Variants in COL26A1 observed in about 807,000 individuals in gnomAD.
COL26A1 encodes the protein collagen type XXVI alpha 1 chain.
A neutral mutation model predicts 59.3 loss-of-function variants in COL26A1; 41 were observed. The observed-to-expected ratio is 0.69, with a 90% confidence interval of 0.54 to 0.90. COL26A1 has a LOEUF of 0.90. COL26A1 is among the 40% of genes least tolerant of loss of function. The pLI, the probability that COL26A1 is intolerant of heterozygous loss-of-function variation, is 0.00. For synonymous variants in COL26A1, 266 were observed against 256.0 expected (o/e 1.04, Z -0.37); for missense variants, 612 against 602.3 (o/e 1.02, Z -0.17).
At chr7:101,554,783 C>A (rs999629424) in intron 11 of COL26A1, among the ~76,000 whole-genome samples, 7 of 151,872 alleles carry the variant, frequency 4.6e-5, no homozygotes, top group African/African-American at 7.3e-5. Context: ...AACAAAAAAA[C>A]CAACCACCTG....
At chr7:101,414,202 A>G (rs1044619565) in intron 1 of COL26A1, among the ~76,000 whole-genome samples, 1 of 152,030 alleles carries the variant, frequency 6.6e-6, no homozygotes, top group African/African-American at 2.4e-5. Context: ...CCATTTAAAG[A>G]CCAAATGTTA....
chr7:101,419,168 G>T (rs375304196), intron 1 of COL26A1, among the ~76,000 whole-genome samples: 1 of 143,930 alleles, frequency 6.9e-6, no homozygotes, highest in Non-Finnish European at 1.5e-5. Flanking sequence ...CCAGGCTGTA[G>T]TGAAGTAGCA....
At chr7:101,365,137 C>G (rs769767470) in intron 1 of COL26A1, among the ~76,000 whole-genome samples, 10 of 152,260 alleles carry the variant, frequency 6.6e-5, no homozygotes, top group Non-Finnish European at 1.3e-4. Context: ...GAAATACTTA[C>G]CCGGGGCTTC....
At chr7:101,549,756 G>C (rs1319111130) in intron 9 of COL26A1, among the ~76,000 whole-genome samples, 1 of 152,196 alleles carries the variant, frequency 6.6e-6, no homozygotes, top group East Asian at 1.9e-4. Context: ...GGAGGTGTTA[G>C]CATCACTCGC....
In COL26A1 at chr7:101,396,003, A is replaced by G. The variant is rs374719201; in HGVS notation, c.159-23974A>G. ...CCCAGCATGGTGGCTCACGCCTGTAATCCCAGCATTTTGGGAGGTTGCAGT... is the reference window on the plus strand; with the variant it reads ...CCCAGCATGGTGGCTCACGCCTGTAGTCCCAGCATTTTGGGAGGTTGCAGT... On this transcript the variant is annotated intron_variant, in intron 1 of 12. Coordinates refer to ENST00000313669, the MANE Select transcript of COL26A1 (RefSeq NM_001278563.3). Among the ~76,000 whole-genome samples, 3 of 152,210 alleles carry G rather than the reference A, an allele frequency of 2.0e-5. No homozygotes were observed. In the East Asian group the frequency reaches 5.8e-4, roughly 30 times the overall value.
chr7:101,534,673 A>G (rs1795443729), intron 4 of COL26A1, among the ~76,000 whole-genome samples: 1 of 150,524 alleles, frequency 6.6e-6, no homozygotes, highest in Non-Finnish European at 1.5e-5. Flanking sequence ...ACACACACAC[A>G]CACATGACAC....
intron 1 of COL26A1, among the ~76,000 whole-genome samples, chr7:101,366,757 T>G (rs1791058392): frequency 6.6e-6 from 1 of 152,084 alleles, no homozygotes; most frequent in Admixed American, 6.6e-5. Flanking sequence ...AGCTTTGGCC[T>G]CCCGAAGTGT....
Position 101,533,067 on chromosome 7 carries a change from C to T in COL26A1, c.386-15C>T. On this transcript the variant is annotated splice_polypyrimidine_tract_variant and intron_variant, in intron 3 of 12. Coordinates refer to ENST00000313669, the MANE Select transcript of COL26A1 (RefSeq NM_001278563.3). ...TCTACACTCTGCTCTCATATAAGTT[C>T]CTCTTCTCTTTCAGAATGCATGAAC... is the stretch of plus-strand genomic sequence containing the variant. The T allele has an allele frequency of 4.4e-6, 7 of 1,594,998 alleles. No homozygotes were observed. The highest frequency in any genetic ancestry group is 5.1e-6 in the Non-Finnish European group (6 of 1,171,098).
chr7:101,547,933 A>G (rs531050247), intron 8 of COL26A1, among the ~76,000 whole-genome samples: 24 of 152,362 alleles, frequency 1.6e-4, no homozygotes, highest in African/African-American at 5.8e-4. Context: ...GAACTCCTGA[A>G]TAATCAAAAC....
At position 101,489,725 on chromosome 7, in the gene COL26A1, C is replaced by CGT. The variant is rs1311522803; in HGVS notation, c.385+41938_385+41939insGT. 1.0e-3 allele frequency among the ~76,000 whole-genome samples: 92 copies of CGT among 92,384 alleles called. 17 individuals are homozygous for CGT. Among genetic ancestry groups the CGT allele is most frequent in the East Asian group, 8.1e-4 (3 of 3,708 alleles). The allele number at this position is 92,384 out of a possible 152,430, so 60.6% of individuals were successfully genotyped here. On this transcript the variant is annotated intron_variant, in intron 3 of 12. Coordinates refer to ENST00000313669, the MANE Select transcript of COL26A1 (RefSeq NM_001278563.3). Reference sequence around the variant, plus strand: ...TCTTTCTTTCTTTCATTCTTTCTTTCTCTCTCTCTTTCTCTCTTTCTTTCT... The same window carrying CGT: ...TCTTTCTTTCTTTCATTCTTTCTTTCGTTCTCTCTCTTTCTCTCTTTCTTTCT...
intron 2 of COL26A1, among the ~76,000 whole-genome samples, chr7:101,442,702 C>T (rs558776427): frequency 1.9e-4 from 29 of 152,108 alleles, no homozygotes; most frequent in African/African-American, 6.7e-4. Context: ...GGTATGTGAG[C>T]GTGTTTAGTG....
intron 3 of COL26A1, among the ~76,000 whole-genome samples, chr7:101,500,682 G>A (rs1358186874): frequency 6.6e-6 from 1 of 152,056 alleles, no homozygotes; most frequent in African/African-American, 2.4e-5. Context: ...TTAGCTGGGC[G>A]TGGTGGTGGG....
chr7:101,547,305 G>T, intron 8 of COL26A1, 66 bp downstream of exon 8: 1 of 1,144,340 alleles, frequency 8.7e-7, no homozygotes, highest in Non-Finnish European at 1.3e-6. Context: ...TGAGCCATGG[G>T]GCCTTGAGGG....
chr7:101,501,863 G>C, intron 3 of COL26A1, among the ~76,000 whole-genome samples: 1 of 152,192 alleles, frequency 6.6e-6, no homozygotes, highest in East Asian at 1.9e-4. Flanking sequence ...GTTTGTGTGC[G>C]TGTGTGTGCA....
At chr7:101,382,528 G>A (rs1791472408) in intron 1 of COL26A1, among the ~76,000 whole-genome samples, 3 of 151,924 alleles carry the variant, frequency 2.0e-5, no homozygotes, top group Non-Finnish European at 2.9e-5. Context: ...ACTCTATCTG[G>A]TCTGGTGCCA....
intron 3 of COL26A1, among the ~76,000 whole-genome samples, chr7:101,497,765 G>A (rs1348975132): frequency 1.3e-5 from 2 of 152,188 alleles, no homozygotes; most frequent in African/African-American, 4.8e-5. Context: ...AGGATCACTT[G>A]AGCCAAGAAG....
At chr7:101,465,849 CAG>C (rs980174574) in intron 3 of COL26A1, among the ~76,000 whole-genome samples, 20 of 152,126 alleles carry the variant, frequency 1.3e-4, no homozygotes, top group African/African-American at 4.8e-4. Context: ...GAATGGAGAA[CAG>C]AGAATCTCAT....
chr7:101,419,871 C>T (rs939414973), intron 1 of COL26A1, 106 bp from the exon 2 acceptor site: 1 of 1,226,092 alleles, frequency 8.2e-7, no homozygotes, highest in Non-Finnish European at 1.2e-6. Flanking sequence ...AGCGAGCCTC[C>T]ACCCCAGGTT....
intron 1 of COL26A1, among the ~76,000 whole-genome samples, chr7:101,386,215 G>T (rs1442489874): frequency 2.6e-5 from 4 of 151,036 alleles, no homozygotes; most frequent in Non-Finnish European, 4.4e-5. Flanking sequence ...CTCCTGCCGA[G>T]TGTCTGCCCT....
Sources: gnomAD v4.1 joint callset for allele counts (sites outside exome capture counted in the v4.1 genomes callset) on GRCh38, gnomAD v4.1.1 for gene constraint, MANE v1.5 for transcripts, NCBI Gene and HGNC (gene_info 2026-07-23, HGNC 2026-07-21) for gene names.